Variants in PAK3 observed in about 807,000 individuals in gnomAD.
PAK3 encodes p21 (RAC1) activated kinase 3, also known as serine/threonine-protein kinase PAK 3.
In PAK3, 4 loss-of-function variants were observed where a neutral mutation model predicts 41.0. The ratio of observed to expected loss-of-function variants is 0.10; its 90% CI spans 0.05 to 0.22. The LOEUF (loss-of-function observed/expected upper bound fraction) is 0.22, where lower values mean the gene tolerates loss of function less well. Ranked by LOEUF, PAK3 falls within the 10% of genes least tolerant of loss-of-function variation. The pLI is 1.00. For missense variants in PAK3, 205 were observed against 409.9 expected (o/e 0.50, Z 4.32); for synonymous variants, 146 against 139.6 (o/e 1.05, Z -0.32).
chrX:111,010,825 A>G (rs1309200332), intron 1 of PAK3, among the ~76,000 whole-genome samples: 1 of 111,943 alleles, frequency 8.9e-6, no homozygotes, highest in African/African-American at 3.3e-5. Context: ...CTTTACAGCA[A>G]TACAAAAATG....
chrX:111,168,411 G>A (rs2094291933), intron 10 of PAK3, among the ~76,000 whole-genome samples: 1 of 111,368 alleles, frequency 9.0e-6, no homozygotes. Flanking sequence ...ATTTACAAAA[G>A]CAAATTATAA....
intron 1 of PAK3, among the ~76,000 whole-genome samples, chrX:111,053,101 G>A (rs771443767): frequency 2.7e-5 from 3 of 111,971 alleles, no homozygotes; most frequent in African/African-American, 9.7e-5. Context: ...GTGTAACTGA[G>A]GTAAAGGGTT....
At chrX:111,030,460 C>T (rs943042438) in intron 1 of PAK3, among the ~76,000 whole-genome samples, 2 of 112,100 alleles carry the variant, frequency 1.8e-5, no homozygotes, top group Admixed American at 1.9e-4. Context: ...TCACATGACA[C>T]TCCCTTTGAG....
intron 1 of PAK3, among the ~76,000 whole-genome samples, chrX:111,044,067 C>T (rs180901518): frequency 1.3e-4 from 15 of 111,262 alleles, no homozygotes; most frequent in South Asian, 1.1e-3. Flanking sequence ...TTCTGATTTC[C>T]GGTGGCTTCA....
chrX:111,145,360 A>G (rs910817920), intron 6 of PAK3, among the ~76,000 whole-genome samples: 1 of 112,080 alleles, frequency 8.9e-6, no homozygotes, highest in Non-Finnish European at 1.9e-5. Flanking sequence ...AGTGATCATA[A>G]AACTATTTAT....
chrX:111,192,420 T>C (rs1465732442), intron 12 of PAK3, 86 bp from the exon 13 acceptor site: 4 of 585,031 alleles, frequency 6.8e-6, no homozygotes, highest in Non-Finnish European at 1.2e-5. Context: ...AGAATGTGTA[T>C]GTTTCACTCT....
At chrX:111,218,930 C>T (rs780287256) in intron 17 of PAK3, among the ~76,000 whole-genome samples, 1 of 110,689 alleles carries the variant, frequency 9.0e-6, no homozygotes, top group Admixed American at 9.6e-5. Flanking sequence ...ATTGCTATGC[C>T]TGTAATCCCA....
chrX:111,004,252 G>C (rs1317798719), intron 1 of PAK3, among the ~76,000 whole-genome samples: 1 of 111,862 alleles, frequency 8.9e-6, no homozygotes, highest in African/African-American at 3.3e-5. Flanking sequence ...GATATGCGTA[G>C]TAGGAGGATG....
intron 16 of PAK3, among the ~76,000 whole-genome samples, chrX:111,201,681 CCTT>C (rs2094685190): frequency 9.0e-6 from 1 of 110,761 alleles, no homozygotes; most frequent in Non-Finnish European, 1.9e-5. Flanking sequence ...AGCTCTGTGA[CCTT>C]CTGCAAGTTA....
chrX:111,036,377 A>T (rs181325230), intron 1 of PAK3, among the ~76,000 whole-genome samples: 13 of 112,540 alleles, frequency 1.2e-4, no homozygotes, highest in South Asian at 1.1e-3. Context: ...AATTTATTTT[A>T]AAAAAGACGT....
At chrX:111,026,159 G>A (rs2092266555) in intron 1 of PAK3, among the ~76,000 whole-genome samples, 1 of 111,515 alleles carries the variant, frequency 9.0e-6, no homozygotes, top group African/African-American at 3.3e-5. Context: ...CATACCTTAA[G>A]GTAATAAAAG....
chrX:111,077,811 G>T (rs2092799874), intron 1 of PAK3, among the ~76,000 whole-genome samples: 1 of 111,561 alleles, frequency 9.0e-6, no homozygotes. Context: ...AGACAAATGG[G>T]ATTACATCAA....
At chrX:110,996,719 G>A (rs1403491800) in intron 1 of PAK3, among the ~76,000 whole-genome samples, 1 of 111,542 alleles carries the variant, frequency 9.0e-6, no homozygotes, top group Non-Finnish European at 1.9e-5. Flanking sequence ...CAATGAGATG[G>A]TGGCTGTCTA....
chrX:111,071,964 T>G (rs1249948529), intron 1 of PAK3, among the ~76,000 whole-genome samples: 1 of 112,205 alleles, frequency 8.9e-6, no homozygotes, highest in Non-Finnish European at 1.9e-5. Flanking sequence ...ATACACATAA[T>G]TTTCAAGGCA....
chrX:111,102,638 C>A (rs372345937), intron 3 of PAK3, among the ~76,000 whole-genome samples: 1 of 112,516 alleles, frequency 8.9e-6, no homozygotes, highest in East Asian at 2.8e-4. Context: ...ACAGAGCCAA[C>A]CTTCATTGGC....
At chrX:110,980,906 C>A (rs1023705161) in intron 1 of PAK3, among the ~76,000 whole-genome samples, 2 of 111,804 alleles carry the variant, frequency 1.8e-5, no homozygotes, top group Non-Finnish European at 3.8e-5. Flanking sequence ...TAGGTCAGAT[C>A]GTTTCTTTGT....
chrX:111,142,371 T>G (rs957714801), intron 6 of PAK3, among the ~76,000 whole-genome samples, 175 bp downstream of exon 6: 1 of 112,895 alleles, frequency 8.9e-6, no homozygotes, highest in Non-Finnish European at 1.9e-5. Context: ...GCAACAGCAT[T>G]GACCAAATTA....
intron 1 of PAK3, among the ~76,000 whole-genome samples, chrX:111,025,456 G>A (rs930423161): frequency 9.0e-6 from 1 of 111,305 alleles, no homozygotes; most frequent in Non-Finnish European, 1.9e-5. Context: ...CAAAACGGGA[G>A]ATATTACAAC....
At chrX:111,146,458 C>A in intron 6 of PAK3, 2 of 767,494 alleles carry the variant, frequency 2.6e-6, no homozygotes, top group Non-Finnish European at 3.9e-6. Flanking sequence ...CTCCTCCCAC[C>A]TTCTAAGTTG....
Sources: gnomAD v4.1 joint callset for allele counts (sites outside exome capture counted in the v4.1 genomes callset) on GRCh38, gnomAD v4.1.1 for gene constraint, MANE v1.5 for transcripts, NCBI Gene and HGNC (gene_info 2026-07-23, HGNC 2026-07-21) for gene names.